The following RAVER2 variants were observed in gnomAD, a reference collection of about 807,000 sequenced individuals.
RAVER2 encodes the protein ribonucleoprotein, PTB binding 2.
In RAVER2, 46 loss-of-function variants were observed where a neutral mutation model predicts 78.1. The ratio of observed to expected loss-of-function variants is 0.59; its 90% CI spans 0.46 to 0.75. The LOEUF is 0.75. RAVER2 is among the 30% of genes least tolerant of loss of function. RAVER2 has a pLI of 0.00. For missense variants in RAVER2, 793 were observed against 837.5 expected (o/e 0.95, Z 0.66); for synonymous variants, 311 against 313.3 (o/e 0.99, Z 0.08).
chr1:64,749,710 A>G (rs1051491336), intron 1 of RAVER2, among the ~76,000 whole-genome samples: 9 of 152,232 alleles, frequency 5.9e-5, no homozygotes, highest in African/African-American at 1.7e-4. Context: ...GCTGGTTCCT[A>G]TTCATAGCCA....
chr1:64,788,519 C>T (rs907825036), intron 4 of RAVER2, among the ~76,000 whole-genome samples: 11 of 149,258 alleles, frequency 7.4e-5, no homozygotes, highest in African/African-American at 2.5e-4. Flanking sequence ...TTGGGTCAGT[C>T]GCGGTGGCTC....
chr1:64,822,248 AC>A (rs1372089341), intron 11 of RAVER2, among the ~76,000 whole-genome samples: 1 of 152,252 alleles, frequency 6.6e-6, no homozygotes. Flanking sequence ...AGATTGCGCC[AC>A]TGCACTCCAG....
chr1:64,832,770 A>C (rs1276480241), exon 12 of RAVER2: 1 of 152,210 alleles, frequency 6.6e-6, no homozygotes, highest in Admixed American at 6.5e-5. Flanking sequence ...ATTAGGCATC[A>C]TTCAGTGATA....
chr1:64,822,298 A>G (rs1362158073), intron 11 of RAVER2, among the ~76,000 whole-genome samples: 1 of 152,218 alleles, frequency 6.6e-6, no homozygotes, highest in Non-Finnish European at 1.5e-5. Context: ...AAAAACAAAC[A>G]AAGTACGAGA....
chr1:64,765,930 A>G (rs966251159), intron 1 of RAVER2, among the ~76,000 whole-genome samples: 2 of 152,168 alleles, frequency 1.3e-5, no homozygotes, highest in African/African-American at 2.4e-5. Flanking sequence ...TTAGAAGACA[A>G]TGTAATTCAG....
chr1:64,766,202 A>G (rs1475790768), intron 1 of RAVER2, among the ~76,000 whole-genome samples: 1 of 152,236 alleles, frequency 6.6e-6, no homozygotes, highest in Non-Finnish European at 1.5e-5. Context: ...GTCAGATGAC[A>G]AAGTGTTTTC....
intron 3 of RAVER2, among the ~76,000 whole-genome samples, chr1:64,779,002 ATATT>A (rs1165809026): frequency 2.0e-5 from 3 of 148,436 alleles, no homozygotes; most frequent in South Asian, 2.1e-4. Flanking sequence ...ATTAAAATAT[ATATT>A]ATTTAAGTTG....
At chr1:64,810,415 C>A (rs1653572322) in intron 9 of RAVER2, among the ~76,000 whole-genome samples, 1 of 152,146 alleles carries the variant, frequency 6.6e-6, no homozygotes. Flanking sequence ...TCTTTCCATT[C>A]CATTTTCACA....
exon 4 of RAVER2, chr1:64,781,515 G>A (rs1264375315): frequency 6.2e-7 from 1 of 1,614,020 alleles, no homozygotes; most frequent in African/African-American, 1.3e-5. Context: ...TTCCTTCTGT[G>A]CTCCTGGAGC....
At chr1:64,822,938 C>A (rs1653921442) in intron 11 of RAVER2, among the ~76,000 whole-genome samples, 1 of 152,078 alleles carries the variant, frequency 6.6e-6, no homozygotes, top group Admixed American at 6.6e-5. Context: ...GACAAAAAGT[C>A]CACATATGAT....
intron 6 of RAVER2, among the ~76,000 whole-genome samples, chr1:64,804,346 T>C (rs1404937346): frequency 1.3e-5 from 2 of 152,148 alleles, no homozygotes; most frequent in Non-Finnish European, 2.9e-5. Context: ...CCTTAGGGGA[T>C]TGTAAGATCT....
intron 9 of RAVER2, among the ~76,000 whole-genome samples, chr1:64,808,118 G>C (rs1046423816): frequency 6.6e-6 from 1 of 152,108 alleles, no homozygotes; most frequent in African/African-American, 2.4e-5. Flanking sequence ...ACTCTGGTCT[G>C]TTCAAACTAA....
intron 9 of RAVER2, among the ~76,000 whole-genome samples, chr1:64,808,426 C>T (rs958864470): frequency 2.0e-5 from 3 of 146,450 alleles, no homozygotes; most frequent in African/African-American, 5.0e-5. Context: ...GAATGCCCTG[C>T]AATTGTATAT....
intron 11 of RAVER2, among the ~76,000 whole-genome samples, chr1:64,828,216 A>G (rs1369244704): frequency 8.1e-6 from 1 of 124,014 alleles, no homozygotes; most frequent in Non-Finnish European, 1.6e-5. Flanking sequence ...CTTCACTTCT[A>G]TTTCTCTTTT....
intron 2 of RAVER2, among the ~76,000 whole-genome samples, chr1:64,773,192 T>C (rs1041823123): frequency 6.6e-6 from 1 of 151,402 alleles, no homozygotes; most frequent in African/African-American, 2.4e-5. Context: ...AGTATTAGGA[T>C]TTTTTTTTAA....
intron 5 of RAVER2, 114 bp downstream of exon 5, chr1:64,789,628 T>C (rs1652881404): frequency 2.4e-6 from 2 of 834,608 alleles, no homozygotes; most frequent in Admixed American, 4.0e-5. Flanking sequence ...TTTAAATTAG[T>C]ATAAAATATT....
At chr1:64,770,282 G>T (rs948551952) in intron 2 of RAVER2, among the ~76,000 whole-genome samples, 1 of 151,988 alleles carries the variant, frequency 6.6e-6, no homozygotes, top group Admixed American at 6.6e-5. Context: ...GCCAGGAATA[G>T]TGCTATTCCC....
rs45513791 is a variant in RAVER2 at position 64,832,181 on chromosome 1, C to G, written c.*1196C>G. 5.1e-3 allele frequency: 774 copies of G among 152,614 alleles called. 1 individual carries two copies. The highest frequency in any genetic ancestry group is 7.3e-3 in the Non-Finnish European group (497 of 68,010). 9.5% of individuals were successfully genotyped at this position (152,614 alleles called of 1,614,324 possible). A position where few individuals can be genotyped will look rare whatever the true frequency, so the allele number is the denominator to read the frequency against. Reference sequence around the variant, plus strand: ...TTGATCACTAAATGCCCTATTATTTCCACAATATAGTATAGTAAAGCAGTC... The same window carrying G: ...TTGATCACTAAATGCCCTATTATTTGCACAATATAGTATAGTAAAGCAGTC... On this transcript the variant is annotated 3_prime_UTR_variant, in exon 12 of 12. Coordinates refer to ENST00000294428, the Ensembl canonical transcript of RAVER2.
Position 64,745,141 on chromosome 1 carries a change from G to C in RAVER2, c.-32G>C, listed in dbSNP as rs1557576868. ...TCTCTCCGCTTCCCCTGGAGCCTCC[G>C]AGGAGTCCGCAGCCGCTGGGCGCCC... On this transcript the variant is annotated 5_prime_UTR_variant, in exon 1 of 12. Transcript: ENST00000294428. The surrounding 1 kb of genome is among the most constrained non-coding windows in gnomAD (Gnocchi z 4.3). 2.5e-5 allele frequency: 25 copies of C among 1,017,724 alleles called. No individual in the cohort carries two copies. Among genetic ancestry groups the C allele is most frequent in the Admixed American group, 5.9e-5 (1 of 17,024 alleles). 63.0% of individuals were successfully genotyped at this position (1,017,724 alleles called of 1,614,324 possible).
Sources: allele counts gnomAD v4.1 joint callset (sites outside exome capture counted in the v4.1 genomes callset), GRCh38; gene constraint gnomAD v4.1.1; non-coding constraint Gnocchi (gnomAD v3.1); transcripts MANE v1.5; gene names NCBI Gene and HGNC (gene_info 2026-07-23, HGNC 2026-07-21).